LCA5: variants seen among roughly 807,000 people sequenced by gnomAD.
LCA5 encodes the protein lebercilin.
Under a neutral mutation model 53.0 loss-of-function variants are expected in LCA5, and 37 were observed. That is an observed-to-expected ratio of 0.70 (90% CI 0.54 to 0.92). The LOEUF is 0.92. LCA5 is among the 40% of genes least tolerant of loss of function. The pLI is 0.00. For missense variants in LCA5, 806 were observed against 790.5 expected, an observed-to-expected ratio of 1.02 and a Z score of -0.23; for synonymous variants, 303 against 282.9, an observed-to-expected ratio of 1.07 and a Z score of -0.71.
chr6:79,518,752 C>G lies in LCA5; in HGVS notation c.143G>C (p.Arg48Thr), dbSNP rs1766524250. ...TGAAGTTTGTCTTTTAGGATTTTTT[C>G]TCCTAACACTTGCAGGTGAAGAACT... ...LVSSSPASVR[R>T]KNPKRQTSDG... is the part of the protein sequence containing the mutation. Residue 48 changes from arginine (R) to threonine (T), a missense_variant, in exon 2 of 8, where the codon AGA becomes ACA. Transcript: ENST00000369846. The G allele has an allele frequency of 6.2e-7, 1 of 1,613,984 alleles. No homozygotes were observed. The highest frequency in any genetic ancestry group is 1.3e-5 in the African/African-American group (1 of 74,908).
chr6:79,510,727 C>A (rs530723290), intron 3 of LCA5, among the ~76,000 whole-genome samples: 2 of 152,218 alleles, frequency 1.3e-5, no homozygotes, highest in African/African-American at 4.8e-5. Context: ...ATAAAGAATT[C>A]TCCAAAAATA....
chr6:79,485,459 C>A lies in LCA5; in HGVS notation c.*1545G>T, dbSNP rs556911425. On this transcript the variant is annotated 3_prime_UTR_variant, in exon 8 of 8. Transcript: ENST00000369846. ...TAAATGGTTATACATATCAGACATA[C>A]AAATCTATTAAGAAAACTTTTTAAT... 5 of 152,484 alleles carry A rather than the reference C, an allele frequency of 3.3e-5. No individual in the cohort carries two copies. The highest frequency in any genetic ancestry group is 1.2e-4 in the African/African-American group (5 of 41,396). The allele number at this position is 152,484 out of a possible 1,614,324, so 9.4% of individuals were successfully genotyped here. A position where few individuals can be genotyped will look rare whatever the true frequency, so the allele number is the denominator to read the frequency against.
At position 79,486,136 on chromosome 6, in the gene LCA5, G is replaced by A. The variant is rs1019567940; in HGVS notation, c.*868C>T. On this transcript the variant is annotated 3_prime_UTR_variant, in exon 8 of 8. Coordinates refer to ENST00000369846, the MANE Select transcript of LCA5 (RefSeq NM_001122769.3). ...ATATTACTCTGGACATAATTGAACTGAAGATCTTTCTATAATATATTGGGA... is the reference window on the plus strand; with the variant it reads ...ATATTACTCTGGACATAATTGAACTAAAGATCTTTCTATAATATATTGGGA... 4 of 152,130 alleles carry A rather than the reference G, an allele frequency of 2.6e-5. No homozygotes were observed. The highest frequency in any genetic ancestry group is 1.3e-4 in the Admixed American group (2 of 15,266). The allele number at this position is 152,130 out of a possible 1,614,324, so 9.4% of individuals were successfully genotyped here.
intron 1 of LCA5, among the ~76,000 whole-genome samples, chr6:79,536,512 C>T (rs566556344): frequency 2.6e-5 from 4 of 152,208 alleles, no homozygotes; most frequent in Non-Finnish European, 5.9e-5. Flanking sequence ...GTCTATCTAA[C>T]GTAAACATCA....
chr6:79,494,533 A>G (rs775124366), intron 3 of LCA5, among the ~76,000 whole-genome samples: 3 of 152,042 alleles, frequency 2.0e-5, no homozygotes, highest in Non-Finnish European at 4.4e-5. Flanking sequence ...ATAAATGTTT[A>G]TTATAAGTAT....
chr6:79,504,029 A>G (rs185101152), intron 3 of LCA5, among the ~76,000 whole-genome samples: 1 of 152,232 alleles, frequency 6.6e-6, no homozygotes, highest in Non-Finnish European at 1.5e-5. Flanking sequence ...GAAACAAAAA[A>G]TGTAAATGCT....
At chr6:79,523,602 G>A (rs1382175258) in intron 1 of LCA5, among the ~76,000 whole-genome samples, 1 of 152,146 alleles carries the variant, frequency 6.6e-6, no homozygotes, top group Non-Finnish European at 1.5e-5. Context: ...GATGTTCTTT[G>A]TCAACAACTT....
At chr6:79,537,055 C>T (rs1401983205) in intron 1 of LCA5, 110 bp downstream of exon 1, 1 of 152,922 alleles carries the variant, frequency 6.5e-6, no homozygotes, top group East Asian at 1.9e-4. Context: ...AAGAACCACC[C>T]GCAGGCCCCC....
Position 79,517,513 on chromosome 6 carries a change from C to T in LCA5, c.190+1192G>A, listed in dbSNP as rs143149443. Among the ~76,000 whole-genome samples the T allele has an allele frequency of 9.1e-4, 139 of 152,064 alleles. 1 individual carries two copies. Among genetic ancestry groups the T allele is most frequent in the African/African-American group, 3.2e-3 (132 of 41,506 alleles). ...CAAAAGTTTAATAAGAGATCATGCT[C>T]TCAACTACAAAATTATAACAAGCTC... On this transcript the variant is annotated intron_variant, in intron 2 of 7. Coordinates refer to ENST00000369846, the MANE Select transcript of LCA5 (RefSeq NM_001122769.3).
intron 2 of LCA5, among the ~76,000 whole-genome samples, chr6:79,514,406 C>G (rs922546036): frequency 2.6e-5 from 4 of 152,232 alleles, no homozygotes; most frequent in African/African-American, 9.6e-5. Context: ...CGCATATACA[C>G]TGTTGGTAGG....
At chr6:79,489,297 C>T in intron 6 of LCA5, 81 bp from the exon 7 acceptor site, 1 of 1,360,790 alleles carries the variant, frequency 7.3e-7, no homozygotes, top group Non-Finnish European at 1.0e-6. Flanking sequence ...ATCCATTAAA[C>T]ATGATTACCA....
intron 3 of LCA5, among the ~76,000 whole-genome samples, chr6:79,507,691 A>C (rs1054551730): frequency 9.9e-5 from 15 of 152,212 alleles, no homozygotes; most frequent in African/African-American, 3.6e-4. Flanking sequence ...CTTACCTGTG[A>C]GGAACATCTG....
At chr6:79,516,867 T>A (rs1261250072) in intron 2 of LCA5, among the ~76,000 whole-genome samples, 1 of 151,892 alleles carries the variant, frequency 6.6e-6, no homozygotes, top group East Asian at 1.9e-4. Context: ...AATCAAGATA[T>A]GTTAATATTA....
chr6:79,492,952 T>G (rs1225480749), intron 4 of LCA5, among the ~76,000 whole-genome samples: 1 of 152,108 alleles, frequency 6.6e-6, no homozygotes, highest in Non-Finnish European at 1.5e-5. Flanking sequence ...ACAAATAATT[T>G]AGTTAGTATC....
intron 3 of LCA5, among the ~76,000 whole-genome samples, chr6:79,506,345 G>C (rs976125789): frequency 8.5e-5 from 13 of 152,090 alleles, no homozygotes; most frequent in African/African-American, 3.1e-4. Context: ...TCACATTTAT[G>C]ATCTTTTCAT....
chr6:79,502,688 C>T lies in LCA5; in HGVS notation c.721-8938G>A, dbSNP rs147430854. Among the ~76,000 whole-genome samples, 182 of 152,100 alleles carry T rather than the reference C, an allele frequency of 1.2e-3. 4 individuals are homozygous for T. The highest frequency in any genetic ancestry group is 4.2e-3 in the African/African-American group (175 of 41,502). On this transcript the variant is annotated intron_variant, in intron 3 of 7. Transcript: ENST00000369846. Reference sequence around the variant, plus strand: ...CAAAATTATAATATTTTAATTCCTGCTGTCATTTAAAACTATGAAAAAACA... The same window carrying T: ...CAAAATTATAATATTTTAATTCCTGTTGTCATTTAAAACTATGAAAAAACA...
At position 79,485,515 on chromosome 6, in the gene LCA5, C is replaced by T. The variant is rs1211000287; in HGVS notation, c.*1489G>A. ...TTAGCACTTTTGAGAGATTCTGTTC[C>T]CAATAAATGAAAGGAACACAATTTA... On this transcript the variant is annotated 3_prime_UTR_variant, in exon 8 of 8. Coordinates refer to ENST00000369846, the MANE Select transcript of LCA5 (RefSeq NM_001122769.3). 6.6e-6 allele frequency: 1 copy of T among 152,212 alleles called. No individual in the cohort carries two copies. Among genetic ancestry groups the T allele is most frequent in the East Asian group, 1.9e-4 (1 of 5,180 alleles). The allele number at this position is 152,212 out of a possible 1,614,324, so 9.4% of individuals were successfully genotyped here.
chr6:79,505,782 C>G (rs891975454), intron 3 of LCA5, among the ~76,000 whole-genome samples: 1 of 152,076 alleles, frequency 6.6e-6, no homozygotes. Flanking sequence ...AGAGCAGCTT[C>G]CAAGCCACTA....
At chr6:79,516,988 A>G (rs188020742) in intron 2 of LCA5, among the ~76,000 whole-genome samples, 4 of 152,164 alleles carry the variant, frequency 2.6e-5, no homozygotes, top group African/African-American at 9.6e-5. Context: ...TGCAAAAAAA[A>G]GTAAAGTATG....
Sources: allele counts gnomAD v4.1 joint callset (sites outside exome capture counted in the v4.1 genomes callset), GRCh38; gene constraint gnomAD v4.1.1; transcripts MANE v1.5; gene names NCBI Gene and HGNC (gene_info 2026-07-23, HGNC 2026-07-21).